BTG4: variants seen among roughly 807,000 people sequenced by gnomAD.
The protein encoded by BTG4 is BTG anti-proliferation factor 4.
Under a neutral mutation model 19.3 loss-of-function variants are expected in BTG4, and 10 were observed. That is an observed-to-expected ratio of 0.52 (90% CI 0.32 to 0.88). The LOEUF (loss-of-function observed/expected upper bound fraction) is 0.88, where lower values mean the gene tolerates loss of function less well. BTG4 is among the 40% of genes least tolerant of loss of function. The pLI is 0.04. For synonymous variants in BTG4, 91 were observed against 95.7 expected (o/e 0.95, Z 0.29); for missense variants, 238 against 281.9 (o/e 0.84, Z 1.11).
chr11:111,430,568 T>C, the BTG4 span, among the ~76,000 whole-genome samples: 23 of 152,342 alleles, frequency 1.5e-4, no homozygotes, highest in East Asian at 4.4e-3. Flanking sequence ...TTAGCTACCT[T>C]ATTTAGGAAT....
At chr11:111,484,262 A>G (rs754564341) in intron 5 of BTG4, among the ~76,000 whole-genome samples, 2 of 152,198 alleles carry the variant, frequency 1.3e-5, no homozygotes, top group African/African-American at 2.4e-5. Context: ...ATGAAAAAGA[A>G]GTAATTTGAA....
chr11:111,436,639 A>AG, the BTG4 span, among the ~76,000 whole-genome samples: 1 of 150,140 alleles, frequency 6.7e-6, no homozygotes, highest in Non-Finnish European at 1.5e-5. Flanking sequence ...AAAAAAGAAA[A>AG]AAAAAAAACA....
chr11:111,471,271 C>A (rs562023903), intron 5 of BTG4, among the ~76,000 whole-genome samples: 2 of 152,280 alleles, frequency 1.3e-5, no homozygotes, highest in Admixed American at 6.5e-5. Context: ...TTCCTGAATC[C>A]TGCTAAGTAA....
the BTG4 span, among the ~76,000 whole-genome samples, chr11:111,403,719 G>GGA: frequency 6.6e-6 from 1 of 152,268 alleles, no homozygotes; most frequent in South Asian, 2.1e-4. Flanking sequence ...TAACCAACAA[G>GGA]TCATTTGAAT....
At chr11:111,431,891 C>T in the BTG4 span, among the ~76,000 whole-genome samples, 36 of 152,122 alleles carry the variant, frequency 2.4e-4, no homozygotes, top group Non-Finnish European at 4.0e-4. Context: ...GATGCTGTCA[C>T]GATGCTTGGT....
the BTG4 span, chr11:111,416,179 A>T: frequency 1.3e-5 from 2 of 152,198 alleles, no homozygotes; most frequent in Non-Finnish European, 2.9e-5. Context: ...TGGGGAAGGG[A>T]AAGCTGGGGT....
chr11:111,434,042 A>G, the BTG4 span, among the ~76,000 whole-genome samples: 2 of 152,372 alleles, frequency 1.3e-5, no homozygotes, highest in East Asian at 1.9e-4. Flanking sequence ...CAGCCATCCC[A>G]TTACTGGGTA....
At chr11:111,399,591 C>A in the BTG4 span, among the ~76,000 whole-genome samples, 1 of 152,196 alleles carries the variant, frequency 6.6e-6, no homozygotes, top group Admixed American at 6.5e-5. Flanking sequence ...CAAATGCAAC[C>A]TGTGAGTCAT....
the BTG4 span, chr11:111,385,484 C>G: frequency 1.3e-5 from 2 of 151,978 alleles, no homozygotes; most frequent in African/African-American, 4.8e-5. Context: ...TATAGGCCAT[C>G]TAATTTGTGA....
the BTG4 span, among the ~76,000 whole-genome samples, chr11:111,392,169 CTTTTTTTTT>C: frequency 8.2e-5 from 7 of 85,396 alleles, no homozygotes; most frequent in Non-Finnish European, 1.3e-4. Flanking sequence ...CTGTGATTTT[CTTTTTTTTT>C]TTTTTTTTTT....
chr11:111,429,220 G>GC, the BTG4 span, among the ~76,000 whole-genome samples: 5 of 151,976 alleles, frequency 3.3e-5, no homozygotes. Context: ...TGAGGGAGGC[G>GC]CCCCCTACTG....
At chr11:111,413,524 G>T in the BTG4 span, among the ~76,000 whole-genome samples, 27 of 152,220 alleles carry the variant, frequency 1.8e-4, 1 homozygote, top group Admixed American at 1.3e-4. Flanking sequence ...ATACAATAAA[G>T]ATATCCTTTT....
the BTG4 span, among the ~76,000 whole-genome samples, chr11:111,434,705 A>T: frequency 6.1e-5 from 8 of 131,820 alleles, no homozygotes; most frequent in Admixed American, 1.4e-4. Context: ...ATAATTGTTT[A>T]AAAAAAAAAA....
the BTG4 span, among the ~76,000 whole-genome samples, chr11:111,413,280 CA>C: frequency 7.9e-5 from 12 of 152,208 alleles, no homozygotes; most frequent in Non-Finnish European, 1.5e-4. Context: ...GTCCTTGAAC[CA>C]GCTCAGGAAC....
At chr11:111,448,173 G>A in the BTG4 span, among the ~76,000 whole-genome samples, 5 of 152,220 alleles carry the variant, frequency 3.3e-5, no homozygotes, top group African/African-American at 1.2e-4. Flanking sequence ...TCAGGACTGC[G>A]GGAATGAGAC....
the BTG4 span, among the ~76,000 whole-genome samples, chr11:111,410,546 C>T: frequency 6.5e-3 from 993 of 152,192 alleles, 9 homozygotes; most frequent in African/African-American, 0.022. Flanking sequence ...TCTCCATGCA[C>T]GGAGAGATAG....
the BTG4 span, among the ~76,000 whole-genome samples, chr11:111,425,417 G>T: frequency 6.6e-6 from 1 of 152,136 alleles, no homozygotes; most frequent in Non-Finnish European, 1.5e-5. Flanking sequence ...AAGAAGACTG[G>T]AGAGCCCCCA....
intron 5 of BTG4, among the ~76,000 whole-genome samples, chr11:111,484,384 T>C (rs969623147): frequency 2.6e-5 from 4 of 152,164 alleles, no homozygotes; most frequent in Admixed American, 1.3e-4. Context: ...GTATCTTTCA[T>C]AGGAAGACTA....
chr11:111,449,364 G>A, the BTG4 span: 6 of 150,036 alleles, frequency 4.0e-5, no homozygotes, highest in Non-Finnish European at 8.9e-5. Context: ...TGCCTCCCGG[G>A]CCACCGAGAC....
Sources: allele counts gnomAD v4.1 joint callset (sites outside exome capture counted in the v4.1 genomes callset), GRCh38; gene constraint gnomAD v4.1.1; transcripts MANE v1.5; gene names NCBI Gene and HGNC (gene_info 2026-07-23, HGNC 2026-07-21).